Variants in SNRNP200 observed in about 807,000 individuals in gnomAD.
SNRNP200 encodes U5 small nuclear ribonucleoprotein 200 kDa helicase.
Under a neutral mutation model 255.2 loss-of-function variants are expected in SNRNP200, and 66 were observed. The ratio of observed to expected loss-of-function variants is 0.26; its 90% CI spans 0.21 to 0.32. The LOEUF (loss-of-function observed/expected upper bound fraction) is 0.32, where lower values mean the gene tolerates loss of function less well. Among genes scored for constraint, SNRNP200 ranks in the 10% least tolerant of loss-of-function variants. The probability of loss-of-function intolerance (pLI) is 1.00; values close to 1 mark genes in which losing one functional copy is unlikely to be tolerated. For synonymous variants in SNRNP200, 939 were observed against 1,027.8 expected, an observed-to-expected ratio of 0.91 and a Z score of 1.65; for missense variants, 1,585 against 2,749.8, an observed-to-expected ratio of 0.58 and a Z score of 9.47.
At chr2:96,281,985 C>A in intron 34 of SNRNP200, 63 bp from the exon 35 acceptor site, 2 of 1,283,304 alleles carry the variant, frequency 1.6e-6, no homozygotes, top group South Asian at 2.4e-5. Context: ...AGGCTCACTG[C>A]CTCATGGGCA....
chr2:96,281,936 G>T lies in SNRNP200; in HGVS notation c.4916-14C>A, dbSNP rs763092179. On this transcript the variant is annotated splice_polypyrimidine_tract_variant and intron_variant, in intron 34 of 44. Coordinates refer to ENST00000323853, the MANE Select transcript of SNRNP200 (RefSeq NM_014014.5). ...CCTGGATAGCCCCTGAGCAGTAGAGGGGAGAGGAAGGCTGAGGGCAGGGGT... is the reference window on the plus strand; with the variant it reads ...CCTGGATAGCCCCTGAGCAGTAGAGTGGAGAGGAAGGCTGAGGGCAGGGGT... 6.2e-6 allele frequency: 10 copies of T among 1,605,154 alleles called. No individual in the cohort carries two copies. In the African/African-American group the frequency reaches 1.2e-4, roughly 19 times the overall value.
Position 96,287,730 on chromosome 2 carries a change from T to C in SNRNP200, c.3365+133A>G, listed in dbSNP as rs138625292. 2.7e-5 allele frequency: 25 copies of C among 938,872 alleles called. No homozygotes were observed. The highest frequency in any genetic ancestry group is 4.2e-5 in the Non-Finnish European group (24 of 567,146). 58.2% of individuals were successfully genotyped at this position (938,872 alleles called of 1,614,324 possible). On this transcript the variant is annotated intron_variant, in intron 25 of 44. Transcript: ENST00000323853. The surrounding 1 kb of genome is among the most constrained non-coding windows in gnomAD (Gnocchi z 5.7). ...CACAGAGGGCCTTCCCTCTTCTCAA[T>C]GTGCACCAAGGTTCAGGTCATACTT...
rs541821035 is a variant in SNRNP200 at position 96,295,283 on chromosome 2, T to C, written c.1842+205A>G. Among the ~76,000 whole-genome samples the C allele has an allele frequency of 2.0e-5, 3 of 152,338 alleles. No individual in the cohort carries two copies. In the South Asian group the frequency reaches 6.2e-4, roughly 32 times the overall value. On this transcript the variant is annotated intron_variant, in intron 14 of 44. Transcript: ENST00000323853. Reference sequence around the variant, plus strand: ...TGACAATAGCTGTCATTATAATGTTTTGGATGGCCCTGGCCACCAAAGCTT... The same window carrying C: ...TGACAATAGCTGTCATTATAATGTTCTGGATGGCCCTGGCCACCAAAGCTT...
At position 96,298,613 on chromosome 2, in the gene SNRNP200, G is replaced by A. The variant is rs886056465; in HGVS notation, c.972C>T (p.His324=). 1.9e-6 allele frequency: 3 copies of A among 1,614,070 alleles called. No individual in the cohort carries two copies. The highest frequency in any genetic ancestry group is 4.5e-5 in the East Asian group (2 of 44,888). Residue 324 remains histidine, a synonymous_variant, in exon 8 of 45, where the codon CAC becomes CAT. Transcript: ENST00000323853. ...TFDFIKVLRQ[H]RMMILYCTLL... Reference sequence around the variant, plus strand: ...CCACCATATACTCACTCATCATCCTGTGCTGCCGCAACACTTTAATGAAAT... The same window carrying A: ...CCACCATATACTCACTCATCATCCTATGCTGCCGCAACACTTTAATGAAAT...
chr2:96,286,910 A>G lies in SNRNP200; in HGVS notation c.3640-33T>C, dbSNP rs1346712987. The G allele has an allele frequency of 6.2e-7, 1 of 1,614,028 alleles. No homozygotes were observed. Among genetic ancestry groups the G allele is most frequent in the East Asian group, 2.2e-5 (1 of 44,888 alleles). Reference sequence around the variant, plus strand: ...CAGGAGCAAGGGTAAAAGGAATGTGAGTCAACGTAGACTGAGTGCCTCCAA... The same window carrying G: ...CAGGAGCAAGGGTAAAAGGAATGTGGGTCAACGTAGACTGAGTGCCTCCAA... On this transcript the variant is annotated intron_variant, in intron 27 of 44. Transcript: ENST00000323853. The surrounding 1 kb of genome is among the most constrained non-coding windows in gnomAD (Gnocchi z 4.8).
rs760317689 is a variant in SNRNP200, at chr2:96,283,776, T to C, written c.4584+37A>G. 6 of 1,613,862 alleles carry C rather than the reference T, an allele frequency of 3.7e-6. No individual in the cohort carries two copies. The East Asian group carries it at 1.3e-4, about 36-fold the overall frequency. On this transcript the variant is annotated intron_variant, in intron 32 of 44. Coordinates refer to ENST00000323853, the MANE Select transcript of SNRNP200 (RefSeq NM_014014.5). This position sits in a 1 kb window ranked among gnomAD's most constrained non-coding sequence, Gnocchi z 4.7. ...AGACCTGGGTCACTCAGGATCTATG[T>C]GACACCCCACAGACGGATGAGGAGA...
At chr2:96,305,317 C>G in intron 1 of SNRNP200, 76 bp downstream of exon 1, 5 of 1,590,956 alleles carry the variant, frequency 3.1e-6, no homozygotes, top group Non-Finnish European at 3.5e-6. Context: ...GGCCTTCAGA[C>G]TGAAACTCCC....
intron 3 of SNRNP200, among the ~76,000 whole-genome samples, chr2:96,302,684 C>T (rs2063960462): frequency 6.6e-6 from 1 of 152,214 alleles, no homozygotes; most frequent in Non-Finnish European, 1.5e-5. Flanking sequence ...GGTTGTTTGA[C>T]CTGTGCTTCT....
rs1240609974 is a variant in SNRNP200 at position 96,293,337 on chromosome 2, C to A, written c.2015G>T (p.Gly672Val). 1 of 1,614,216 alleles carries A rather than the reference C, an allele frequency of 6.2e-7. No homozygotes were observed. Among genetic ancestry groups the A allele is most frequent in the South Asian group, 1.1e-5 (1 of 91,080 alleles). The change falls in exon 15 of 45, where the codon GGT becomes GTT. Residue 672 changes from glycine (G) to valine (V), a missense_variant. This residue lies in a region of SNRNP200 where 140 missense variants were observed against 274.9 expected (regional missense o/e 0.51). Transcript: ENST00000323853. ...ATFLRVDPAK[G>V]LFYFDNSFRP... ...ATACCTGTTGTCAAAGTAAAAGAGA[C>A]CCTTGGCAGGGTCAACACGTAGAAA...
At position 96,286,811 on chromosome 2, in the gene SNRNP200, G is replaced by A. The variant is rs778956645; in HGVS notation, c.3706C>T (p.His1236Tyr). The change falls in exon 28 of 45, where the codon CAT (histidine) becomes TAT (tyrosine). Residue 1236 changes from histidine to tyrosine, a missense_variant. By Grantham distance (83) the His-to-Tyr change is moderately conservative (BLOSUM62 2). Transcript: ENST00000323853. This position sits in a 1 kb window ranked among gnomAD's most constrained non-coding sequence, Gnocchi z 4.8. Reference sequence around the variant, plus strand: ...TTGGCCTTGAGGAGAAAATACTCATGGTGCAGAATCACCTCGCTGTCCACA... The same window carrying A: ...TTGGCCTTGAGGAGAAAATACTCATAGTGCAGAATCACCTCGCTGTCCACA... ...EDVDSEVILH[H>Y]EYFLLKAKYA... 6.2e-7 allele frequency: 1 copy of A among 1,614,172 alleles called. No individual in the cohort carries two copies. The highest frequency in any genetic ancestry group is 8.5e-7 in the Non-Finnish European group (1 of 1,180,032).
chr2:96,287,630 A>G lies in SNRNP200; in HGVS notation c.3366-73T>C, dbSNP rs887613407. 3 of 1,164,988 alleles carry G rather than the reference A, an allele frequency of 2.6e-6. No individual in the cohort carries two copies. In the African/African-American group the frequency reaches 4.5e-5, roughly 18 times the overall value. The allele number at this position is 1,164,988 out of a possible 1,614,324, so 72.2% of individuals were successfully genotyped here. On this transcript the variant is annotated intron_variant, in intron 25 of 44. Coordinates refer to ENST00000323853, the MANE Select transcript of SNRNP200 (RefSeq NM_014014.5). This position sits in a 1 kb window ranked among gnomAD's most constrained non-coding sequence, Gnocchi z 5.7. ...ACAAACCACCCACTTCATGGCTTCC[A>G]ATAGTTTAGCAGTGACTACACAAAA...
intron 43 of SNRNP200, among the ~76,000 whole-genome samples, chr2:96,276,136 CAG>C (rs1684654426): frequency 6.6e-6 from 1 of 152,246 alleles, no homozygotes; most frequent in African/African-American, 2.4e-5. Context: ...AGTCTTTACT[CAG>C]AGCCTTGAAA....
chr2:96,296,412 TAAC>T (rs942918763), intron 13 of SNRNP200, 121 bp downstream of exon 13: 7 of 980,746 alleles, frequency 7.1e-6, no homozygotes, highest in Non-Finnish European at 7.7e-6. Flanking sequence ...AAATAAAAAA[TAAC>T]AACAATCCCA....
rs1476656521 is a variant in SNRNP200 at position 96,289,215 on chromosome 2, G to A, written c.3093+12C>T. 6.2e-7 allele frequency: 1 copy of A among 1,614,210 alleles called. No homozygotes were observed. Among genetic ancestry groups the A allele is most frequent in the Non-Finnish European group, 8.5e-7 (1 of 1,180,040 alleles). ...CACCAACTCCCCGCCCCATCATGCT[G>A]CATAGGCTCACCTCTCTCACTGTGA... On this transcript the variant is annotated intron_variant, in intron 22 of 44. Transcript: ENST00000323853.
Position 96,289,352 on chromosome 2 carries a change from G to A in SNRNP200, c.2968C>T (p.His990Tyr). 2 of 1,614,156 alleles carry A rather than the reference G, an allele frequency of 1.2e-6. No individual in the cohort carries two copies. The highest frequency in any genetic ancestry group is 1.7e-6 in the Non-Finnish European group (2 of 1,180,006). ...QVTELGRIAS[H>Y]YYITNDTVQT... The stretch of plus-strand genomic sequence containing the variant: ...ACTGTATCATTGGTGATGTAGTAGT[G>A]GCTGGCTATACGGCCCAGTTCTGTC... The change falls in exon 22 of 45, where the codon CAC (histidine) becomes TAC (tyrosine). Residue 990 changes from histidine (H) to tyrosine (Y), a missense_variant. Coordinates refer to ENST00000323853, the MANE Select transcript of SNRNP200 (RefSeq NM_014014.5).
chr2:96,304,066 G>A (rs1218744017), intron 2 of SNRNP200, among the ~76,000 whole-genome samples: 3 of 152,004 alleles, frequency 2.0e-5, no homozygotes, highest in Non-Finnish European at 4.4e-5. Flanking sequence ...TGGAAAAGAA[G>A]ATATAGCACA....
chr2:96,302,444 A>T (rs946676222), intron 3 of SNRNP200, among the ~76,000 whole-genome samples: 1 of 152,216 alleles, frequency 6.6e-6, no homozygotes, highest in South Asian at 2.1e-4. Context: ...ACTGAAATAA[A>T]GCAAACTTGT....
rs1356546194 is a variant in SNRNP200, at chr2:96,298,311, A to G, written c.1092T>C (p.His364=). The stretch of plus-strand genomic sequence containing the variant: ...GGATCAGATCCTCCTTCTCGGTTTC[A>G]TGAAGCTGGTAGAGGAACTTGGATA... The part of the protein sequence containing the change: ...PELSKFLYQL[H]ETEKEDLIRE... The change falls in exon 9 of 45, where the codon CAT becomes CAC. Residue 364 remains histidine (H), a synonymous_variant. Coordinates refer to ENST00000323853, the MANE Select transcript of SNRNP200 (RefSeq NM_014014.5). 1 of 1,614,126 alleles carries G rather than the reference A, an allele frequency of 6.2e-7. No homozygotes were observed. Among genetic ancestry groups the G allele is most frequent in the East Asian group, 2.2e-5 (1 of 44,898 alleles).
At chr2:96,300,234 A>G (rs2063944067) in intron 5 of SNRNP200, among the ~76,000 whole-genome samples, 1 of 152,190 alleles carries the variant, frequency 6.6e-6, no homozygotes, top group South Asian at 2.1e-4. Flanking sequence ...GTTATATTCA[A>G]GGAATTCTAT....
Sources: allele counts gnomAD v4.1 joint callset (sites outside exome capture counted in the v4.1 genomes callset), GRCh38; gene constraint gnomAD v4.1.1; regional missense constraint gnomAD v4.1.1; non-coding constraint Gnocchi (gnomAD v3.1); transcripts MANE v1.5; gene names NCBI Gene and HGNC (gene_info 2026-07-23, HGNC 2026-07-21).